Variants in RBPJ observed in about 807,000 individuals in gnomAD.
RBPJ encodes recombining binding protein suppressor of hairless.
RBPJ carries 9 observed loss-of-function variants against 67.8 expected under a neutral mutation model. The ratio of observed to expected loss-of-function variants is 0.13; its 90% confidence interval spans 0.08 to 0.23. The LOEUF is 0.23. Among genes scored for constraint, RBPJ ranks in the 10% least tolerant of loss-of-function variants. The pLI is 1.00. For missense variants in RBPJ, 305 were observed against 595.6 expected (o/e 0.51, Z 5.08); for synonymous variants, 198 against 203.3 (o/e 0.97, Z 0.22).
intron 2 of RBPJ, among the ~76,000 whole-genome samples, chr4:26,392,049 C>T (rs949619488): frequency 6.6e-6 from 1 of 152,120 alleles, no homozygotes; most frequent in Non-Finnish European, 1.5e-5. Flanking sequence ...TCCTCATGAC[C>T]TCATCACCTC....
chr4:26,244,041 G>C (rs1277271938), intron 1 of RBPJ, among the ~76,000 whole-genome samples: 1 of 151,820 alleles, frequency 6.6e-6, no homozygotes. Flanking sequence ...GTTACAGTGA[G>C]CTGAGGTGAG....
chr4:26,349,402 A>G (rs1055643548), intron 1 of RBPJ, among the ~76,000 whole-genome samples: 15 of 152,158 alleles, frequency 9.9e-5, no homozygotes, highest in African/African-American at 3.6e-4. Flanking sequence ...AGTGAGAACA[A>G]TGTGTTTAAA....
At chr4:26,425,058 ATTTCT>A (rs1326011725) in intron 7 of RBPJ, 2 of 367,254 alleles carry the variant, frequency 5.4e-6, no homozygotes, top group Non-Finnish European at 9.6e-6. Flanking sequence ...TATAAATTAC[ATTTCT>A]TTTCTTTACT....
intron 1 of RBPJ, among the ~76,000 whole-genome samples, chr4:26,375,018 G>T (rs1198561451): frequency 1.3e-5 from 2 of 152,014 alleles, no homozygotes; most frequent in Non-Finnish European, 2.9e-5. Context: ...AGATTGATGT[G>T]AGGGCTGGGC....
At chr4:26,299,544 T>C (rs1413585223) in intron 1 of RBPJ, among the ~76,000 whole-genome samples, 1 of 150,914 alleles carries the variant, frequency 6.6e-6, no homozygotes, top group African/African-American at 2.5e-5. Flanking sequence ...AAATGCCTCA[T>C]GTGGGAGAAA....
chr4:26,338,429 C>T (rs538055584), intron 1 of RBPJ, among the ~76,000 whole-genome samples: 14 of 152,026 alleles, frequency 9.2e-5, no homozygotes, highest in South Asian at 4.2e-4. Context: ...GCTGGGATTA[C>T]GGGTGTGAGC....
intron 1 of RBPJ, among the ~76,000 whole-genome samples, chr4:26,297,074 C>T (rs886195895): frequency 1.3e-5 from 2 of 152,112 alleles, no homozygotes; most frequent in East Asian, 1.9e-4. Context: ...GCAGGAGGAT[C>T]GCTTGAGCCC....
At chr4:26,354,939 G>A (rs931249467) in intron 1 of RBPJ, among the ~76,000 whole-genome samples, 8 of 152,160 alleles carry the variant, frequency 5.3e-5, no homozygotes, top group African/African-American at 1.7e-4. Flanking sequence ...GACATGTAGT[G>A]GTTTTTCAGG....
At chr4:26,209,188 G>C (rs1391110184) in intron 1 of RBPJ, among the ~76,000 whole-genome samples, 1 of 151,748 alleles carries the variant, frequency 6.6e-6, no homozygotes, top group Non-Finnish European at 1.5e-5. Flanking sequence ...CAACTGGCTT[G>C]CAAAATGCCT....
chr4:26,339,286 A>C (rs1372526630), intron 1 of RBPJ, among the ~76,000 whole-genome samples: 2 of 152,120 alleles, frequency 1.3e-5, no homozygotes, highest in Non-Finnish European at 2.9e-5. Flanking sequence ...AAACTTAACC[A>C]AGTTTACCTG....
chr4:26,250,160 G>A (rs912400274), intron 1 of RBPJ, among the ~76,000 whole-genome samples: 4 of 151,666 alleles, frequency 2.6e-5, no homozygotes, highest in African/African-American at 9.7e-5. Context: ...CCCCATCCCC[G>A]AACTTCTAGT....
chr4:26,349,973 ACT>A (rs1332386452), intron 1 of RBPJ, among the ~76,000 whole-genome samples: 2 of 152,194 alleles, frequency 1.3e-5, no homozygotes, highest in Non-Finnish European at 1.5e-5. Context: ...TAATGCTCTC[ACT>A]GTTATTTCAT....
chr4:26,404,885 C>T (rs1733233832), intron 2 of RBPJ, among the ~76,000 whole-genome samples: 1 of 152,184 alleles, frequency 6.6e-6, no homozygotes, highest in South Asian at 2.1e-4. Flanking sequence ...CTTTTCCCAG[C>T]ATGTAGTCCT....
At chr4:26,216,909 A>G (rs1718739334) in intron 1 of RBPJ, among the ~76,000 whole-genome samples, 1 of 152,184 alleles carries the variant, frequency 6.6e-6, no homozygotes, top group African/African-American at 2.4e-5. Flanking sequence ...TGGGCAACAG[A>G]GTAAGACACT....
At chr4:26,260,443 A>G (rs1009385017) in intron 1 of RBPJ, among the ~76,000 whole-genome samples, 1 of 152,122 alleles carries the variant, frequency 6.6e-6, no homozygotes, top group African/African-American at 2.4e-5. Context: ...AAACTTTTTA[A>G]TGCTCTTGAT....
intron 1 of RBPJ, among the ~76,000 whole-genome samples, chr4:26,192,567 G>A (rs1433740018): frequency 6.6e-6 from 1 of 152,112 alleles, no homozygotes; most frequent in African/African-American, 2.4e-5. Context: ...CAAAGTTATT[G>A]ACATATACTA....
At chr4:26,228,141 A>G (rs1167211342) in intron 1 of RBPJ, among the ~76,000 whole-genome samples, 1 of 152,128 alleles carries the variant, frequency 6.6e-6, no homozygotes, top group African/African-American at 2.4e-5. Flanking sequence ...TCTCACAGGT[A>G]CTCTCATGAA....
At chr4:26,166,391 C>T (rs1716300561) in intron 1 of RBPJ, among the ~76,000 whole-genome samples, 1 of 134,488 alleles carries the variant, frequency 7.4e-6, no homozygotes, top group Non-Finnish European at 1.6e-5. Flanking sequence ...TGTTTCCTGA[C>T]TTTTTAATGA....
At chr4:26,376,613 A>G (rs1237019779) in intron 1 of RBPJ, among the ~76,000 whole-genome samples, 1 of 152,180 alleles carries the variant, frequency 6.6e-6, no homozygotes, top group East Asian at 1.9e-4. Context: ...CTGTCTTTTA[A>G]TTCCAGCTTC....
Sources: allele counts gnomAD v4.1 joint callset (sites outside exome capture counted in the v4.1 genomes callset), GRCh38; gene constraint gnomAD v4.1.1; transcripts MANE v1.5; gene names NCBI Gene and HGNC (gene_info 2026-07-23, HGNC 2026-07-21).